The following GAP43 variants were observed in gnomAD, a reference collection of about 807,000 sequenced individuals.
The protein encoded by GAP43 is growth associated protein 43.
GAP43 carries 6 observed loss-of-function variants against 18.6 expected under a neutral mutation model. The observed-to-expected ratio is 0.32, with a 90% CI of 0.18 to 0.64. GAP43 has a LOEUF of 0.64. GAP43 is among the 30% of genes least tolerant of loss of function. GAP43 has a pLI of 0.78. For synonymous variants in GAP43, 115 were observed against 111.4 expected, an observed-to-expected ratio of 1.03 and a Z score of -0.20; for missense variants, 292 against 295.5, an observed-to-expected ratio of 0.99 and a Z score of 0.09.
rs534499085 is a variant in GAP43 at position 115,638,388 on chromosome 3, A to C, written c.30+14669A>C. 4.6e-5 allele frequency among the ~76,000 whole-genome samples: 7 copies of C among 152,154 alleles called. No homozygotes were observed. In the South Asian group the frequency reaches 1.2e-3, roughly 27 times the overall value. ...TTTTAGTTTTTAAAACACATAAAAC[A>C]TGTTCACACTTCAAGGCCTTTGCAT... On this transcript the variant is annotated intron_variant, in intron 1 of 2. Coordinates refer to ENST00000305124, the MANE Select transcript of GAP43 (RefSeq NM_002045.4).
At chr3:115,659,381 CG>C (rs141780937) in intron 1 of GAP43, among the ~76,000 whole-genome samples, 4 of 151,664 alleles carry the variant, frequency 2.6e-5, no homozygotes, top group Admixed American at 6.6e-5. Context: ...GTTTCTTTTT[CG>C]GGGGGGAGGG....
intron 1 of GAP43, among the ~76,000 whole-genome samples, chr3:115,643,921 T>C (rs2107471774): frequency 6.6e-6 from 1 of 152,176 alleles, no homozygotes; most frequent in African/African-American, 2.4e-5. Context: ...TGAATGCACT[T>C]AAATTATATT....
At chr3:115,704,355 T>C (rs1468575255) in intron 2 of GAP43, among the ~76,000 whole-genome samples, 1 of 152,090 alleles carries the variant, frequency 6.6e-6, no homozygotes, top group East Asian at 1.9e-4. Context: ...TGGATTTTCA[T>C]TCTCCAGTAA....
At chr3:115,681,992 G>A (rs1708962865) in intron 2 of GAP43, among the ~76,000 whole-genome samples, 1 of 152,128 alleles carries the variant, frequency 6.6e-6, no homozygotes, top group Admixed American at 6.6e-5. Context: ...AATGTCTAAG[G>A]ACCCCAACAA....
chr3:115,706,412 G>A (rs755604886), intron 2 of GAP43, among the ~76,000 whole-genome samples: 1 of 152,084 alleles, frequency 6.6e-6, no homozygotes. Context: ...GGTAGGCTGT[G>A]ACTTGGCCTT....
At chr3:115,649,157 C>T (rs764773445) in intron 1 of GAP43, among the ~76,000 whole-genome samples, 2 of 152,036 alleles carry the variant, frequency 1.3e-5, no homozygotes, top group Non-Finnish European at 2.9e-5. Context: ...GATCCAGGCA[C>T]CAACAGGTTT....
chr3:115,643,900 G>T (rs1708428284), intron 1 of GAP43, among the ~76,000 whole-genome samples: 1 of 151,998 alleles, frequency 6.6e-6, no homozygotes, highest in South Asian at 2.1e-4. Flanking sequence ...AATATTTATT[G>T]AATGAATATA....
chr3:115,708,940 G>GTTTTTTTTTTTTTTTTTTTTTTT (rs3086974), intron 2 of GAP43, among the ~76,000 whole-genome samples: 22 of 99,790 alleles, frequency 2.2e-4, no homozygotes, highest in African/African-American at 7.0e-4. Context: ...AACTGGCTGG[G>GTTTTTTTTTTTTTTTTTTTTTTT]TTTTTTTTTT....
At chr3:115,635,672 A>G (rs1708319701) in intron 1 of GAP43, among the ~76,000 whole-genome samples, 1 of 152,014 alleles carries the variant, frequency 6.6e-6, no homozygotes, top group South Asian at 2.1e-4. Flanking sequence ...CAAGAGAAAC[A>G]GTATTCAGAA....
chr3:115,672,816 G>A (rs955420331), intron 1 of GAP43, among the ~76,000 whole-genome samples: 1 of 138,876 alleles, frequency 7.2e-6, no homozygotes. Context: ...ACTGCTATCT[G>A]GAAAAACTTC....
At chr3:115,691,282 A>C (rs1709107449) in intron 2 of GAP43, among the ~76,000 whole-genome samples, 1 of 152,200 alleles carries the variant, frequency 6.6e-6, no homozygotes, top group Non-Finnish European at 1.5e-5. Flanking sequence ...ATTGCAACAA[A>C]CATGAATTTA....
At chr3:115,648,367 A>G (rs543836930) in intron 1 of GAP43, among the ~76,000 whole-genome samples, 195 of 152,170 alleles carry the variant, frequency 1.3e-3, no homozygotes, top group Middle Eastern at 6.8e-3. Flanking sequence ...TTTGGACACC[A>G]TCTTCAGCAT....
At chr3:115,647,221 C>T (rs28370261) in intron 1 of GAP43, among the ~76,000 whole-genome samples, 3,782 of 152,030 alleles carry the variant, frequency 0.025, 145 homozygotes, top group African/African-American at 0.086. Context: ...TGAGAAGGCT[C>T]GGTCTATTAT....
intron 2 of GAP43, among the ~76,000 whole-genome samples, chr3:115,693,855 A>G (rs1034942954): frequency 6.6e-6 from 1 of 152,020 alleles, no homozygotes. Context: ...CTTTTATTTT[A>G]TTTTATTTTG....
chr3:115,669,740 C>A (rs956723210), intron 1 of GAP43, among the ~76,000 whole-genome samples: 9 of 152,102 alleles, frequency 5.9e-5, no homozygotes, highest in African/African-American at 9.7e-5. Context: ...ATAAATAATA[C>A]ATTAAAGTGG....
chr3:115,717,926 G>A (rs1444396346), intron 2 of GAP43, among the ~76,000 whole-genome samples: 2 of 152,132 alleles, frequency 1.3e-5, no homozygotes, highest in Non-Finnish European at 2.9e-5. Flanking sequence ...GAATTTGGGA[G>A]GATTTAGCTT....
intron 1 of GAP43, among the ~76,000 whole-genome samples, chr3:115,659,311 T>C (rs914422494): frequency 2.0e-5 from 3 of 152,204 alleles, no homozygotes; most frequent in African/African-American, 7.2e-5. Flanking sequence ...TCTAGGCTTT[T>C]TCATTTGAAC....
intron 2 of GAP43, among the ~76,000 whole-genome samples, chr3:115,699,205 CTGAG>C (rs1709264505): frequency 6.6e-6 from 1 of 152,214 alleles, no homozygotes; most frequent in Admixed American, 6.5e-5. Flanking sequence ...CTGACACCTG[CTGAG>C]TAAGACAGAT....
intron 1 of GAP43, among the ~76,000 whole-genome samples, chr3:115,625,952 T>A (rs1201631866): frequency 6.6e-6 from 1 of 152,224 alleles, no homozygotes; most frequent in Non-Finnish European, 1.5e-5. Context: ...GCTCATGCAT[T>A]TTATAAATGT....
Sources: gnomAD v4.1 joint callset for allele counts (sites outside exome capture counted in the v4.1 genomes callset) on GRCh38, gnomAD v4.1.1 for gene constraint, MANE v1.5 for transcripts, NCBI Gene and HGNC (gene_info 2026-07-23, HGNC 2026-07-21) for gene names.